The following MEF2C variants were observed in gnomAD, a reference collection of about 807,000 sequenced individuals.
MEF2C encodes the protein myocyte-specific enhancer factor 2C.
A neutral mutation model predicts 50.5 loss-of-function variants in MEF2C; 6 were observed. That is an observed-to-expected ratio of 0.12 (90% CI 0.07 to 0.23). MEF2C has a LOEUF of 0.23. Ranked by LOEUF, MEF2C falls within the 10% of genes least tolerant of loss-of-function variation. The probability of loss-of-function intolerance (pLI) is 1.00; values close to 1 mark genes in which losing one functional copy is unlikely to be tolerated. For synonymous variants in MEF2C, 183 were observed against 228.0 expected (o/e 0.80, Z 1.78); for missense variants, 276 against 605.0 (o/e 0.46, Z 5.70).
intron 6 of MEF2C, chr5:88,743,204 G>A (rs1431267258): frequency 7.2e-6 from 7 of 974,884 alleles, no homozygotes; most frequent in Non-Finnish European, 8.5e-6. Context: ...GGGTAATTAA[G>A]TATCTTTCTC....
chr5:88,841,506 CAA>C (rs34552373), intron 1 of MEF2C, among the ~76,000 whole-genome samples: 8,895 of 98,168 alleles, frequency 0.091, 347 homozygotes, highest in African/African-American at 0.15. Flanking sequence ...AACTTTGTCT[CAA>C]AAAAAAAAAA....
At chr5:88,729,388 TA>T in intron 8 of MEF2C, 41 bp from the exon 9 acceptor site, 2 of 1,509,758 alleles carry the variant, frequency 1.3e-6, no homozygotes, top group Non-Finnish European at 1.8e-6. Context: ...TGAATTTTTT[TA>T]AAAGTTAAAA....
rs1301665435 is a variant in MEF2C, at chr5:88,747,328, T to A, written c.637+1742A>T. Among the ~76,000 whole-genome samples the A allele has an allele frequency of 5.2e-5, 3 of 57,450 alleles. 1 individual carries two copies. Among genetic ancestry groups the A allele is most frequent in the African/African-American group, 8.6e-5 (2 of 23,366 alleles). 37.7% of individuals were successfully genotyped at this position (57,450 alleles called of 152,430 possible). Reference sequence around the variant, plus strand: ...TTTTCCTCCACATTTTTTTTTTTTTTACTACTTTTTTTTTTTTTTTTTTTT... The same window carrying A: ...TTTTCCTCCACATTTTTTTTTTTTTAACTACTTTTTTTTTTTTTTTTTTTT... On this transcript the variant is annotated intron_variant, in intron 6 of 10. Transcript: ENST00000504921.
At chr5:88,833,890 A>C (rs928851110) in intron 1 of MEF2C, among the ~76,000 whole-genome samples, 3 of 152,114 alleles carry the variant, frequency 2.0e-5, no homozygotes, top group African/African-American at 4.8e-5. Context: ...TAGTTCTATA[A>C]ATAGTTGAAG....
At chr5:88,783,635 A>T (rs1789356091) in intron 3 of MEF2C, among the ~76,000 whole-genome samples, 1 of 152,266 alleles carries the variant, frequency 6.6e-6, no homozygotes, top group East Asian at 1.9e-4. Context: ...CATCTCAAAA[A>T]AAATAAAATA....
At chr5:88,844,905 G>T (rs1228424280) in intron 1 of MEF2C, among the ~76,000 whole-genome samples, 1 of 152,152 alleles carries the variant, frequency 6.6e-6, no homozygotes, top group Non-Finnish European at 1.5e-5. Flanking sequence ...ATTTATAGAG[G>T]AATTGGTGAG....
chr5:88,788,052 G>A (rs974224892), intron 3 of MEF2C, among the ~76,000 whole-genome samples: 24 of 152,172 alleles, frequency 1.6e-4, no homozygotes, highest in African/African-American at 4.8e-4. Flanking sequence ...CCTGACTGAC[G>A]CACAGTGGGC....
chr5:88,772,202 A>G (rs1782686288), intron 3 of MEF2C: 1 of 152,234 alleles, frequency 6.6e-6, no homozygotes, highest in Non-Finnish European at 1.5e-5. Context: ...TCCATAAGGC[A>G]TTGCAAAATA....
chr5:88,735,356 A>G (rs1274601366), intron 6 of MEF2C: 13 of 985,240 alleles, frequency 1.3e-5, no homozygotes, highest in African/African-American at 1.0e-4. Context: ...TTTTCATGCT[A>G]TGTTTTAAAA....
intron 5 of MEF2C, chr5:88,751,455 A>G (rs780576929): frequency 6.1e-6 from 6 of 985,314 alleles, no homozygotes; most frequent in African/African-American, 3.5e-5. Context: ...ACTAAATGGG[A>G]TAAATACTAT....
intron 3 of MEF2C, among the ~76,000 whole-genome samples, chr5:88,763,128 GTATAA>G (rs771242428): frequency 2.6e-5 from 4 of 152,122 alleles, no homozygotes; most frequent in African/African-American, 9.7e-5. Flanking sequence ...TGTTATAGTG[GTATAA>G]TATAACAAAT....
intron 2 of MEF2C, among the ~76,000 whole-genome samples, chr5:88,815,137 C>T (rs1161011342): frequency 1.3e-5 from 2 of 151,996 alleles, no homozygotes; most frequent in Non-Finnish European, 2.9e-5. Context: ...ATCAAATAAA[C>T]CAGATTAATA....
At chr5:88,731,363 A>T (rs1032581447) in intron 7 of MEF2C, 1 of 171,546 alleles carries the variant, frequency 5.8e-6, no homozygotes, top group African/African-American at 2.4e-5. Context: ...TAAAAATACT[A>T]TGTTATAAAG....
At position 88,780,696 on chromosome 5, in the gene MEF2C, C is replaced by G. The variant is rs566294539; in HGVS notation, c.259-19368G>C. On this transcript the variant is annotated intron_variant, in intron 3 of 10. Coordinates refer to ENST00000504921, the MANE Select transcript of MEF2C (RefSeq NM_002397.5). The stretch of plus-strand genomic sequence containing the variant: ...TATATTTCACTGTTAACAATATCAT[C>G]ACACTAAGCATTGTTGACTGACTAA... The G allele has an allele frequency of 8.0e-6, 7 of 877,252 alleles. No homozygotes were observed. In the South Asian group the frequency reaches 3.7e-4, roughly 46 times the overall value. 54.3% of individuals were successfully genotyped at this position (877,252 alleles called of 1,614,324 possible).
intron 3 of MEF2C, chr5:88,780,874 A>G (rs767043241): frequency 2.7e-4 from 266 of 985,006 alleles, no homozygotes; most frequent in Non-Finnish European, 3.2e-4. Flanking sequence ...TCGTTCTTTC[A>G]CTTTCTCTCT....
At chr5:88,894,077 T>G (rs1281409756) in intron 1 of MEF2C, among the ~76,000 whole-genome samples, 1 of 152,216 alleles carries the variant, frequency 6.6e-6, no homozygotes, top group Non-Finnish European at 1.5e-5. Context: ...TTGAAGTACC[T>G]AACATTTAAT....
intron 2 of MEF2C, among the ~76,000 whole-genome samples, chr5:88,822,973 C>G (rs1002240436): frequency 6.6e-6 from 1 of 151,930 alleles, no homozygotes; most frequent in African/African-American, 2.4e-5. Flanking sequence ...ACTAAATCCA[C>G]TCTCCCCTAG....
At position 88,900,348 on chromosome 5, in the gene MEF2C, C is replaced by T. The variant is rs147954224; in HGVS notation, c.-240+3568G>A. Among the ~76,000 whole-genome samples, 316 of 151,586 alleles carry T rather than the reference C, an allele frequency of 2.1e-3. 3 individuals are homozygous for T. The highest frequency in any genetic ancestry group is 7.4e-3 in the African/African-American group (306 of 41,424). ...TATGAACTATATAATGTATTATGCA[C>T]TTGATATATACATATACTTATGTGT... On this transcript the variant is annotated intron_variant, in intron 1 of 11. Transcript: ENST00000340208.
chr5:88,855,853 A>G (rs577834968), intron 1 of MEF2C, among the ~76,000 whole-genome samples: 6 of 152,322 alleles, frequency 3.9e-5, no homozygotes, highest in Admixed American at 2.0e-4. Context: ...ATTTCTTCAT[A>G]GCGGTGTGAG....
Sources: gnomAD v4.1 joint callset for allele counts (sites outside exome capture counted in the v4.1 genomes callset) on GRCh38, gnomAD v4.1.1 for gene constraint, MANE v1.5 for transcripts, NCBI Gene and HGNC (gene_info 2026-07-23, HGNC 2026-07-21) for gene names.